The following ALCAM variants were observed in gnomAD, a reference collection of about 807,000 sequenced individuals.
ALCAM encodes activated leukocyte cell adhesion molecule.
In ALCAM, 30 loss-of-function variants were observed where a neutral mutation model predicts 70.9. The observed-to-expected ratio is 0.42, with a 90% CI of 0.32 to 0.57. ALCAM has a LOEUF of 0.57. Among genes scored for constraint, ALCAM ranks in the 20% least tolerant of loss-of-function variants. The pLI is 0.11. For missense variants in ALCAM, 591 were observed against 695.1 expected (o/e 0.85, Z 1.68); for synonymous variants, 249 against 242.5 (o/e 1.03, Z -0.25).
chr3:105,556,103 A>G (rs1273845349), intron 14 of ALCAM, among the ~76,000 whole-genome samples: 1 of 151,990 alleles, frequency 6.6e-6, no homozygotes, highest in African/African-American at 2.4e-5. Flanking sequence ...CTGTCCTCCA[A>G]ACATGGTTTT....
chr3:105,488,571 A>G (rs1158911813), intron 1 of ALCAM, among the ~76,000 whole-genome samples: 1 of 151,984 alleles, frequency 6.6e-6, no homozygotes, highest in Non-Finnish European at 1.5e-5. Flanking sequence ...ATGTGTGGGA[A>G]AAGAGTGAAT....
At chr3:105,410,031 C>T (rs189821893) in intron 1 of ALCAM, among the ~76,000 whole-genome samples, 10 of 152,152 alleles carry the variant, frequency 6.6e-5, no homozygotes, top group Admixed American at 5.9e-4. Context: ...TTAGGGTTCA[C>T]GCTTGCTGTT....
chr3:105,443,844 C>T (rs1032277375), intron 1 of ALCAM, among the ~76,000 whole-genome samples: 3 of 152,178 alleles, frequency 2.0e-5, no homozygotes, highest in Admixed American at 6.5e-5. Context: ...TCAAATGTTT[C>T]TATAATGCCT....
At chr3:105,388,057 T>A (rs1467607991) in intron 1 of ALCAM, among the ~76,000 whole-genome samples, 2 of 151,592 alleles carry the variant, frequency 1.3e-5, no homozygotes, top group Admixed American at 6.6e-5. Context: ...GACATAGGAA[T>A]AAAAATGCAT....
Position 105,534,827 on chromosome 3 carries a change from G to A in ALCAM, c.712G>A (p.Ala238Thr). 2 of 1,612,222 alleles carry A rather than the reference G, an allele frequency of 1.2e-6. No homozygotes were observed. Among genetic ancestry groups the A allele is most frequent in the Admixed American group, 1.7e-5 (1 of 59,792 alleles). Residue 238 changes from alanine to threonine, a missense_variant, in exon 6 of 16, where the codon GCA (alanine) becomes ACA (threonine). Ala to Thr is a moderately conservative substitution (Grantham distance 58, BLOSUM62 0). Coordinates refer to ENST00000306107, the MANE Select transcript of ALCAM (RefSeq NM_001627.4). ...CCAGAAAACAATTCATTCTGAACAG[G>A]CAGTATTTGATATTTACTGTAAGTA... Reference protein sequence around the residue: ...SGQKTIHSEQAVFDIYYPTEQ... With the variant: ...SGQKTIHSEQTVFDIYYPTEQ...
intron 1 of ALCAM, among the ~76,000 whole-genome samples, chr3:105,429,784 C>T (rs73181376): frequency 0.15 from 22,719 of 151,692 alleles, 1,808 homozygotes; most frequent in Middle Eastern, 0.18. Context: ...TTATTTTCAC[C>T]TACAAAACTT....
intron 1 of ALCAM, among the ~76,000 whole-genome samples, chr3:105,491,925 T>G (rs894387393): frequency 2.0e-5 from 3 of 152,214 alleles, no homozygotes; most frequent in African/African-American, 7.2e-5. Context: ...TTTCACATGT[T>G]TCGGCATCTT....
At chr3:105,455,445 A>C (rs1279968881) in intron 1 of ALCAM, among the ~76,000 whole-genome samples, 105 of 108,282 alleles carry the variant, frequency 9.7e-4, no homozygotes, top group Admixed American at 1.3e-3. Flanking sequence ...CCGTCTCAAA[A>C]AAAAAAAAAA....
At chr3:105,534,578 C>A (rs934687025) in intron 5 of ALCAM, 85 bp from the exon 6 acceptor site, 1 of 1,335,280 alleles carries the variant, frequency 7.5e-7, no homozygotes, top group Non-Finnish European at 1.1e-6. Flanking sequence ...AAAAAAAACA[C>A]TTCTCAAAGG....
At chr3:105,467,729 G>T (rs915330324) in intron 1 of ALCAM, among the ~76,000 whole-genome samples, 1 of 151,092 alleles carries the variant, frequency 6.6e-6, no homozygotes, top group Non-Finnish European at 1.5e-5. Flanking sequence ...AATTTCTGAT[G>T]ATTTTCAAAC....
At chr3:105,573,793 C>T (rs929987700) in intron 15 of ALCAM, among the ~76,000 whole-genome samples, 2 of 152,154 alleles carry the variant, frequency 1.3e-5, no homozygotes, top group African/African-American at 4.8e-5. Context: ...TATAAATAAA[C>T]CACAAGTCAC....
At chr3:105,456,687 T>G (rs1159358353) in intron 1 of ALCAM, among the ~76,000 whole-genome samples, 1 of 152,202 alleles carries the variant, frequency 6.6e-6, no homozygotes, top group Non-Finnish European at 1.5e-5. Context: ...ATAGATGTTT[T>G]TGGCTATGTT....
At chr3:105,526,206 T>C (rs1236230538) in intron 3 of ALCAM, among the ~76,000 whole-genome samples, 1 of 151,826 alleles carries the variant, frequency 6.6e-6, no homozygotes, top group African/African-American at 2.4e-5. Context: ...TACACTGAGA[T>C]GGTAATATAC....
intron 1 of ALCAM, among the ~76,000 whole-genome samples, chr3:105,444,920 G>T (rs1937259416): frequency 6.6e-6 from 1 of 152,066 alleles, no homozygotes; most frequent in Non-Finnish European, 1.5e-5. Context: ...AAACAAATTT[G>T]CCTGTATGTT....
chr3:105,542,422 C>A (rs1161948988), intron 8 of ALCAM, among the ~76,000 whole-genome samples: 2 of 151,788 alleles, frequency 1.3e-5, no homozygotes, highest in Non-Finnish European at 2.9e-5. Context: ...AACTTGAGTT[C>A]TTCATGACAG....
chr3:105,469,677 G>T (rs556076785), intron 1 of ALCAM, among the ~76,000 whole-genome samples: 14 of 151,064 alleles, frequency 9.3e-5, no homozygotes, highest in Non-Finnish European at 1.9e-4. Context: ...CTTAGAATTT[G>T]TATCTGTAGG....
At chr3:105,415,276 T>G (rs1324197635) in intron 1 of ALCAM, among the ~76,000 whole-genome samples, 1 of 152,126 alleles carries the variant, frequency 6.6e-6, no homozygotes, top group Non-Finnish European at 1.5e-5. Context: ...TGAGACGAAG[T>G]GCCTCAAAAA....
intron 15 of ALCAM, among the ~76,000 whole-genome samples, chr3:105,572,573 A>C (rs1209795378): frequency 6.6e-6 from 1 of 152,150 alleles, no homozygotes; most frequent in Non-Finnish European, 1.5e-5. Context: ...TAGTAGAATG[A>C]TTTATAATTC....
chr3:105,394,547 C>T (rs78032621), intron 1 of ALCAM, among the ~76,000 whole-genome samples: 2,157 of 152,082 alleles, frequency 0.014, 20 homozygotes, highest in Admixed American at 0.027. Context: ...TCCAGCTAGT[C>T]TGGCTTTATA....
Sources: allele counts gnomAD v4.1 joint callset (sites outside exome capture counted in the v4.1 genomes callset), GRCh38; gene constraint gnomAD v4.1.1; transcripts MANE v1.5; gene names NCBI Gene and HGNC (gene_info 2026-07-23, HGNC 2026-07-21).